LIMS2: variants seen among roughly 807,000 people sequenced by gnomAD.
The protein encoded by LIMS2 is LIM zinc finger domain containing 2.
In LIMS2, 30 loss-of-function variants were observed where a neutral mutation model predicts 45.3. The ratio of observed to expected loss-of-function variants is 0.66; its 90% CI spans 0.50 to 0.90. The LOEUF (loss-of-function observed/expected upper bound fraction) is 0.90. Ranked by LOEUF, LIMS2 falls within the 40% of genes least tolerant of loss-of-function variation. LIMS2 has a pLI of 0.00. For missense variants in LIMS2, 485 were observed against 468.7 expected (o/e 1.03, Z -0.32); for synonymous variants, 173 against 188.0 (o/e 0.92, Z 0.65).
chr2:127,653,556 G>A lies in LIMS2; in HGVS notation c.359+868C>T, dbSNP rs1005502592. ...GAGGGCCGGGCACGGAGCCCCAGAC[G>A]ACTCCCCATGGAGAGACAGGGAGAA... On this transcript the variant is annotated intron_variant, in intron 4 of 9. Transcript: ENST00000355119. The surrounding 1 kb of genome is among the most constrained non-coding windows in gnomAD (Gnocchi z 5.3). Among the ~76,000 whole-genome samples, 20 of 152,190 alleles carry A rather than the reference G, an allele frequency of 1.3e-4. No individual in the cohort carries two copies. Among genetic ancestry groups the A allele is most frequent in the African/African-American group, 4.3e-4 (18 of 41,458 alleles).
chr2:127,663,594 C>A (rs1164998283), intron 1 of LIMS2, among the ~76,000 whole-genome samples: 1 of 152,118 alleles, frequency 6.6e-6, no homozygotes, highest in Non-Finnish European at 1.5e-5. Context: ...CCCTCCCCTA[C>A]CTCTGCGACT....
At position 127,647,067 on chromosome 2, in the gene LIMS2, G is replaced by A. The variant is rs887010664; in HGVS notation, c.360-3995C>T. On this transcript the variant is annotated intron_variant, in intron 4 of 9. Coordinates refer to ENST00000355119, the MANE Select transcript of LIMS2 (RefSeq NM_001161403.3). The surrounding 1 kb of genome is among the most constrained non-coding windows in gnomAD (Gnocchi z 4.3). ...CCAGGCTGAGGCCCCCGGGCTGGAG[G>A]CAGGAGGCACCACAGGCCCACCTGG... 2.6e-5 allele frequency among the ~76,000 whole-genome samples: 4 copies of A among 152,134 alleles called. No homozygotes were observed. The South Asian group carries it at 6.2e-4, about 24-fold the overall frequency.
intron 4 of LIMS2, chr2:127,643,306 A>T: frequency 1.7e-6 from 1 of 579,930 alleles, no homozygotes; most frequent in Non-Finnish European, 3.1e-6. Context: ...GCTCGAGGTT[A>T]CTGTCTCTGG....
intron 1 of LIMS2, among the ~76,000 whole-genome samples, chr2:127,659,756 A>C (rs951350111): frequency 2.0e-5 from 3 of 152,332 alleles, no homozygotes; most frequent in East Asian, 1.9e-4. Flanking sequence ...TCCGCCTTAA[A>C]GCCAGACCTC....
chr2:127,642,020 G>C lies in LIMS2; in HGVS notation c.660+29C>G. On this transcript the variant is annotated intron_variant, in intron 6 of 9. Transcript: ENST00000355119. This position sits in a 1 kb window ranked among gnomAD's most constrained non-coding sequence, Gnocchi z 5.3. Reference sequence around the variant, plus strand: ...CCTGAGCTGGGGCACCCCCCAACCTGAGGCCACGTGTCCACCAGCCTGGCT... The same window carrying C: ...CCTGAGCTGGGGCACCCCCCAACCTCAGGCCACGTGTCCACCAGCCTGGCT... 6.2e-7 allele frequency: 1 copy of C among 1,605,994 alleles called. No individual in the cohort carries two copies. The highest frequency in any genetic ancestry group is 8.5e-7 in the Non-Finnish European group (1 of 1,176,532).
chr2:127,657,713 CTGCTCAGT>C, intron 1 of LIMS2, 151 bp from the exon 2 acceptor site: 2 of 868,642 alleles, frequency 2.3e-6, no homozygotes, highest in Non-Finnish European at 3.4e-6. Flanking sequence ...AGGGTCCAGG[CTGCTCAGT>C]GCTTGTAGTG....
chr2:127,651,016 G>A, intron 4 of LIMS2: 1 of 1,613,800 alleles, frequency 6.2e-7, no homozygotes, highest in Non-Finnish European at 8.5e-7. Flanking sequence ...CACTTCTCTG[G>A]GAACCACTGG....
Position 127,664,215 on chromosome 2 carries a change from G to T in LIMS2, c.12-6653C>A, listed in dbSNP as rs1238599055. The T allele has an allele frequency of 2.7e-6, 3 of 1,091,162 alleles. No homozygotes were observed. Among genetic ancestry groups the T allele is most frequent in the Non-Finnish European group, 2.3e-6 (2 of 872,358 alleles). The allele number at this position is 1,091,162 out of a possible 1,614,324, so 67.6% of individuals were successfully genotyped here. On this transcript the variant is annotated intron_variant, in intron 1 of 9. Coordinates refer to ENST00000355119, the MANE Select transcript of LIMS2 (RefSeq NM_001161403.3). This position sits in a 1 kb window ranked among gnomAD's most constrained non-coding sequence, Gnocchi z 5.5. Reference sequence around the variant, plus strand: ...GGGGCAGAGCCCACGGCGTCGGAGGGCCCCGGTCGGGTTTCCGAGGGAAGG... The same window carrying T: ...GGGGCAGAGCCCACGGCGTCGGAGGTCCCCGGTCGGGTTTCCGAGGGAAGG...
chr2:127,663,683 GT>G (rs1442387708), intron 1 of LIMS2, among the ~76,000 whole-genome samples: 1 of 131,778 alleles, frequency 7.6e-6, no homozygotes, highest in Non-Finnish European at 1.5e-5. Context: ...GTCCCTATCT[GT>G]CACCTTGATG....
chr2:127,673,903 C>T, intron 1 of LIMS2: 1 of 664,340 alleles, frequency 1.5e-6, no homozygotes, highest in East Asian at 2.8e-5. Context: ...TGCAGAGGGG[C>T]CTGGGCCAAG....
intron 1 of LIMS2, among the ~76,000 whole-genome samples, chr2:127,669,445 G>A (rs1457359740): frequency 1.3e-5 from 2 of 152,142 alleles, no homozygotes; most frequent in African/African-American, 4.8e-5. Context: ...TGGGCACGGT[G>A]GCTCGTGCCT....
intron 1 of LIMS2, among the ~76,000 whole-genome samples, chr2:127,658,834 G>A (rs749690058): frequency 1.2e-4 from 19 of 152,180 alleles, no homozygotes; most frequent in Non-Finnish European, 1.8e-4. Context: ...GGTTGCAGCC[G>A]GGTGGTGGCA....
Position 127,642,608 on chromosome 2 carries a change from T to C in LIMS2, c.509+315A>G. 2.4e-6 allele frequency: 1 copy of C among 410,264 alleles called. No individual in the cohort carries two copies. The highest frequency in any genetic ancestry group is 4.4e-6 in the Non-Finnish European group (1 of 226,208). The allele number at this position is 410,264 out of a possible 1,614,324, so 25.4% of individuals were successfully genotyped here. A position where few individuals can be genotyped will look rare whatever the true frequency, so the allele number is the denominator to read the frequency against. ...CAGCACCAAGCCCACTCCCGGTCTC[T>C]TGCCCTGCCCCCTCAGGTCCCTTCC... On this transcript the variant is annotated intron_variant, in intron 5 of 9. Transcript: ENST00000355119. This position sits in a 1 kb window ranked among gnomAD's most constrained non-coding sequence, Gnocchi z 5.3.
chr2:127,651,127 T>A, intron 4 of LIMS2: 1 of 1,613,520 alleles, frequency 6.2e-7, no homozygotes. Flanking sequence ...GACCGTTTCC[T>A]GGCCATTGTG....
At chr2:127,650,538 CCT>C (rs1265985765) in intron 4 of LIMS2, 2 of 592,372 alleles carry the variant, frequency 3.4e-6, no homozygotes, top group Non-Finnish European at 6.0e-6. Context: ...GTTCAGAATG[CCT>C]CTGACGCTCA....
chr2:127,655,497 GT>G (rs1475783269), intron 2 of LIMS2: 2 of 157,042 alleles, frequency 1.3e-5, no homozygotes, highest in African/African-American at 4.8e-5. Context: ...TCTAACAATT[GT>G]ATTTTCTGTT....
intron 4 of LIMS2, chr2:127,648,032 C>T: frequency 1.0e-6 from 1 of 985,834 alleles, no homozygotes; most frequent in South Asian, 4.7e-5. Context: ...CCAAGCATCA[C>T]TCACCCCGCC....
chr2:127,661,440 A>C (rs903616120), intron 1 of LIMS2, among the ~76,000 whole-genome samples: 7 of 152,226 alleles, frequency 4.6e-5, no homozygotes, highest in African/African-American at 1.7e-4. Flanking sequence ...GCCTAGGGGA[A>C]GGCCTGCAGG....
At chr2:127,654,581 G>T in intron 3 of LIMS2, 37 bp from the exon 4 acceptor site, 1 of 1,613,676 alleles carries the variant, frequency 6.2e-7, no homozygotes, top group Non-Finnish European at 8.5e-7. Flanking sequence ...TGGGGAGCAC[G>T]TGCCTGTCCC....
Sources: gnomAD v4.1 joint callset for allele counts (sites outside exome capture counted in the v4.1 genomes callset) on GRCh38, gnomAD v4.1.1 for gene constraint, Gnocchi (gnomAD v3.1) non-coding constraint, MANE v1.5 for transcripts, NCBI Gene and HGNC (gene_info 2026-07-23, HGNC 2026-07-21) for gene names.